Variants in LPIN1 observed in about 807,000 individuals in gnomAD.
LPIN1 encodes lipin 1, also known as phosphatidate phosphatase LPIN1.
A neutral mutation model predicts 107.5 loss-of-function variants in LPIN1; 71 were observed. The observed-to-expected ratio is 0.66, with a 90% CI of 0.55 to 0.80. The LOEUF is 0.80. Among genes scored for constraint, LPIN1 ranks in the 30% least tolerant of loss-of-function variants. The pLI is 0.00. For synonymous variants in LPIN1, 445 were observed against 452.6 expected, an observed-to-expected ratio of 0.98 and a Z score of 0.21; for missense variants, 1,043 against 1,160.6, an observed-to-expected ratio of 0.90 and a Z score of 1.47.
At chr2:11,778,933 A>G (rs1161320922) in intron 6 of LPIN1, among the ~76,000 whole-genome samples, 1 of 152,174 alleles carries the variant, frequency 6.6e-6, no homozygotes, top group Non-Finnish European at 1.5e-5. Context: ...TGGAAGACAT[A>G]AGATCTTAGA....
chr2:11,722,699 T>C (rs1664238637), upstream of LPIN1, among the ~76,000 whole-genome samples: 1 of 152,216 alleles, frequency 6.6e-6, no homozygotes, highest in African/African-American at 2.4e-5. Context: ...GTAACACCCC[T>C]TTCAGTCTCA....
intron 1 of LPIN1, among the ~76,000 whole-genome samples, chr2:11,703,253 A>C (rs1449867196): frequency 6.6e-6 from 1 of 152,190 alleles, no homozygotes; most frequent in Non-Finnish European, 1.5e-5. Flanking sequence ...CTAACCCATG[A>C]GAAATCCTCT....
intron 1 of LPIN1, among the ~76,000 whole-genome samples, chr2:11,691,609 C>T (rs989058286): frequency 3.3e-5 from 5 of 152,106 alleles, no homozygotes; most frequent in Non-Finnish European, 5.9e-5. Context: ...TGTTGGAGCC[C>T]GGCTATGTCA....
chr2:11,700,484 T>G (rs1443594628), intron 1 of LPIN1, among the ~76,000 whole-genome samples: 4 of 152,060 alleles, frequency 2.6e-5, no homozygotes, highest in Admixed American at 6.6e-5. Context: ...TCTCTCTCTC[T>G]CTCGCTCTCA....
chr2:11,694,452 T>C (rs893265560), intron 1 of LPIN1, among the ~76,000 whole-genome samples: 2 of 152,202 alleles, frequency 1.3e-5, no homozygotes, highest in African/African-American at 2.4e-5. Context: ...CTGACCCCTC[T>C]GGCCACTGCC....
At chr2:11,792,148 G>A in intron 13 of LPIN1, 142 bp downstream of exon 13, 1 of 740,972 alleles carries the variant, frequency 1.3e-6, no homozygotes, top group Non-Finnish European at 2.3e-6. Context: ...CCATGAAGTA[G>A]GGCGAGTGCT....
chr2:11,761,452 G>T (rs1669817595), intron 1 of LPIN1, among the ~76,000 whole-genome samples: 2 of 152,208 alleles, frequency 1.3e-5, no homozygotes, highest in African/African-American at 2.4e-5. Context: ...AGGCAGATGT[G>T]TGTTCCTCCT....
chr2:11,759,327 G>C (rs980601617), intron 1 of LPIN1, among the ~76,000 whole-genome samples: 14 of 150,876 alleles, frequency 9.3e-5, no homozygotes, highest in Non-Finnish European at 1.6e-4. Context: ...GAGGACCCTG[G>C]GGCCTTCCGC....
intron 1 of LPIN1, among the ~76,000 whole-genome samples, chr2:11,747,381 G>T (rs555369643): frequency 6.6e-6 from 1 of 152,306 alleles, no homozygotes; most frequent in South Asian, 2.1e-4. Context: ...AACGTTTTGG[G>T]AGTAACTTAA....
chr2:11,724,991 G>T lies in LPIN1; in HGVS notation c.-72+452G>T, dbSNP rs570845450. On this transcript the variant is annotated intron_variant, in intron 1 of 21. Coordinates refer to the LPIN1 transcript ENST00000396097. ...ACATGGGGAATGCGTGGCCGGGCGC[G>T]GTGGCTCACACCTGTAACCCAGCAC... Among the ~76,000 whole-genome samples the T allele has an allele frequency of 1.3e-4, 20 of 152,288 alleles. 1 individual carries two copies. In the South Asian group the frequency reaches 4.1e-3, roughly 32 times the overall value.
chr2:11,815,217 CA>C lies in LPIN1; in HGVS notation c.2380del (p.Ser794AlafsTer10), dbSNP rs2148722723. 3 of 1,614,146 alleles carry C rather than the reference CA, an allele frequency of 1.9e-6. No homozygotes were observed. The highest frequency in any genetic ancestry group is 2.5e-6 in the Non-Finnish European group (3 of 1,179,998). Reference sequence around the variant, plus strand: ...AGGGGCCCCTGCTGCTGAGTCCCAGCAGCCTCTTCTCTGCCCTGCACAGGTA... The same window carrying C: ...AGGGGCCCCTGCTGCTGAGTCCCAGCGCCTCTTCTCTGCCCTGCACAGGTA... ...PQGPLLLSPS[S>X]LFSALHREVI... On this transcript the variant is annotated frameshift_variant, in exon 18 of 21. Transcript: ENST00000674199. LOFTEE classifies it high-confidence loss of function.
intron 3 of LPIN1, among the ~76,000 whole-genome samples, chr2:11,768,951 A>G (rs1671411108): frequency 6.6e-6 from 1 of 152,170 alleles, no homozygotes; most frequent in Admixed American, 6.5e-5. Flanking sequence ...ACAAAAAAAA[A>G]GAAACCAAAA....
chr2:11,700,885 C>T (rs1005128150), intron 1 of LPIN1, among the ~76,000 whole-genome samples: 1 of 152,158 alleles, frequency 6.6e-6, no homozygotes, highest in African/African-American at 2.4e-5. Context: ...GCCTAGGCTC[C>T]CAGACAGCTC....
intron 1 of LPIN1, among the ~76,000 whole-genome samples, chr2:11,727,385 GTTTCT>G (rs1417401857): frequency 8.5e-5 from 13 of 152,078 alleles, no homozygotes; most frequent in Non-Finnish European, 1.3e-4. Context: ...TTGCTCGCTT[GTTTCT>G]TTTCTTTACT....
chr2:11,756,524 G>T (rs1173264087), intron 1 of LPIN1, among the ~76,000 whole-genome samples: 1 of 152,094 alleles, frequency 6.6e-6, no homozygotes, highest in African/African-American at 2.4e-5. Context: ...GAGTAGCTGG[G>T]ATTACAGGCA....
intron 1 of LPIN1, among the ~76,000 whole-genome samples, chr2:11,764,675 CACAA>C (rs944997644): frequency 5.3e-5 from 8 of 152,212 alleles, no homozygotes; most frequent in Non-Finnish European, 8.8e-5. Flanking sequence ...TGGAAATTGT[CACAA>C]ACAAAAATCA....
upstream of LPIN1, among the ~76,000 whole-genome samples, chr2:11,746,292 T>G (rs1353112366): frequency 6.6e-6 from 1 of 151,944 alleles, no homozygotes; most frequent in Non-Finnish European, 1.5e-5. Context: ...CCCTGGGTGG[T>G]TTACCTGGAC....
At chr2:11,796,283 A>G (rs1013206886) in intron 14 of LPIN1, among the ~76,000 whole-genome samples, 1 of 152,136 alleles carries the variant, frequency 6.6e-6, no homozygotes, top group Non-Finnish European at 1.5e-5. Context: ...TCGTTTCCAA[A>G]GTGTTGCTCA....
At chr2:11,779,736 C>T in intron 7 of LPIN1, 91 bp downstream of exon 7, 1 of 1,560,846 alleles carries the variant, frequency 6.4e-7, no homozygotes, top group Non-Finnish European at 8.8e-7. Flanking sequence ...CCAAGAAACA[C>T]AGCTACCAGG....
Sources: allele counts gnomAD v4.1 joint callset (sites outside exome capture counted in the v4.1 genomes callset), GRCh38; gene constraint gnomAD v4.1.1; transcripts MANE v1.5; gene names NCBI Gene and HGNC (gene_info 2026-07-23, HGNC 2026-07-21).